Variants in C16orf74 observed in about 807,000 individuals in gnomAD.
The protein encoded by C16orf74 is uncharacterized protein C16orf74.
In C16orf74, 10 loss-of-function variants were observed where a neutral mutation model predicts 6.5. That is an observed-to-expected ratio of 1.54 (90% CI 0.95 to 2.61). The LOEUF is 2.61. Among genes scored for constraint, C16orf74 ranks in the 30% most tolerant of loss-of-function variants. The pLI is 0.00. For synonymous variants in C16orf74, 60 were observed against 42.5 expected, an observed-to-expected ratio of 1.41 and a Z score of -1.60; for missense variants, 141 against 105.9, an observed-to-expected ratio of 1.33 and a Z score of -1.45.
intron 1 of C16orf74, among the ~76,000 whole-genome samples, chr16:85,745,904 C>A (rs1028430521): frequency 6.6e-6 from 1 of 152,154 alleles, no homozygotes; most frequent in Admixed American, 6.5e-5. Context: ...AGAAGTTCAG[C>A]TCTAGGCTAT....
At chr16:85,732,523 G>A (rs1008499982) in intron 2 of C16orf74, among the ~76,000 whole-genome samples, 91 of 151,598 alleles carry the variant, frequency 6.0e-4, no homozygotes, top group African/African-American at 2.0e-3. Flanking sequence ...AAAATTAGCT[G>A]GGCGTGGTGG....
chr16:85,742,364 C>T (rs141090734), intron 1 of C16orf74, among the ~76,000 whole-genome samples: 1 of 152,168 alleles, frequency 6.6e-6, no homozygotes, highest in African/African-American at 2.4e-5. Context: ...CAGAGCGAGA[C>T]TCCGTCTCAG....
At chr16:85,730,087 C>A (rs959512529) in intron 2 of C16orf74, among the ~76,000 whole-genome samples, 2 of 152,144 alleles carry the variant, frequency 1.3e-5, no homozygotes, top group Admixed American at 1.3e-4. Flanking sequence ...AGTTACACAG[C>A]CTCAGAGCCC....
intron 2 of C16orf74, among the ~76,000 whole-genome samples, chr16:85,715,131 C>T (rs1004795350): frequency 7.5e-5 from 11 of 147,464 alleles, no homozygotes; most frequent in East Asian, 2.0e-4. Flanking sequence ...CACTCCAGCC[C>T]GGGTGACAGA....
intron 2 of C16orf74, among the ~76,000 whole-genome samples, chr16:85,726,755 C>T (rs2054137689): frequency 6.6e-6 from 1 of 152,198 alleles, no homozygotes; most frequent in Non-Finnish European, 1.5e-5. Flanking sequence ...CTCCTGTCCC[C>T]AGGGATGGAA....
At chr16:85,743,012 A>G (rs978094250) in intron 1 of C16orf74, among the ~76,000 whole-genome samples, 10 of 152,178 alleles carry the variant, frequency 6.6e-5, no homozygotes, top group African/African-American at 2.4e-4. Flanking sequence ...GATTGCCACT[A>G]GGTACCACCA....
chr16:85,724,874 C>T (rs758973755), intron 2 of C16orf74, among the ~76,000 whole-genome samples: 82 of 152,152 alleles, frequency 5.4e-4, no homozygotes, highest in Non-Finnish European at 7.6e-4. Context: ...CCTCACGGAT[C>T]CAGGAGTGTG....
At chr16:85,722,353 C>T (rs1219226931) in intron 2 of C16orf74, among the ~76,000 whole-genome samples, 1 of 152,164 alleles carries the variant, frequency 6.6e-6, no homozygotes, top group Non-Finnish European at 1.5e-5. Flanking sequence ...AGGTGGTGAA[C>T]GTTGCTACTT....
At chr16:85,723,835 G>A (rs946195960) in intron 2 of C16orf74, among the ~76,000 whole-genome samples, 2 of 152,198 alleles carry the variant, frequency 1.3e-5, no homozygotes, top group Admixed American at 1.3e-4. Flanking sequence ...CAAAAACAGG[G>A]CACAAGAGCA....
intron 2 of C16orf74, among the ~76,000 whole-genome samples, chr16:85,726,983 G>A (rs946200482): frequency 2.6e-5 from 4 of 152,184 alleles, no homozygotes; most frequent in African/African-American, 7.2e-5. Flanking sequence ...TAGCCACCCC[G>A]GGTAGGCAGG....
At chr16:85,716,646 A>G (rs193083531) in intron 2 of C16orf74, among the ~76,000 whole-genome samples, 6 of 142,748 alleles carry the variant, frequency 4.2e-5, no homozygotes, top group Admixed American at 2.1e-4. Context: ...GGGAGCAGAC[A>G]AGGCAGAGGG....
chr16:85,732,441 G>A (rs139979044), intron 2 of C16orf74, among the ~76,000 whole-genome samples: 27,979 of 151,914 alleles, frequency 0.18, 3,220 homozygotes, highest in Middle Eastern at 0.34. Flanking sequence ...TGAGGCAGGA[G>A]GATCACTTGA....
At position 85,735,250 on chromosome 16, in the gene C16orf74, C is replaced by CAGCG. The variant is rs1461593832; in HGVS notation, c.-18-19_-18-16dup. 9 of 1,558,448 alleles carry CAGCG rather than the reference C, an allele frequency of 5.8e-6. No individual in the cohort carries two copies. The highest frequency in any genetic ancestry group is 6.9e-6 in the Non-Finnish European group (8 of 1,152,192). ...CCTCTGCAGGCCTGTGGAGAGAGGA[C>CAGCG]AGCGCTGAGAGAGGGGAGGGCGCGA... On this transcript the variant is annotated splice_polypyrimidine_tract_variant and intron_variant, in intron 1 of 3. Coordinates refer to ENST00000284245, the MANE Select transcript of C16orf74 (RefSeq NM_206967.3).
rs570993631 is a variant in C16orf74 at position 85,719,188 on chromosome 16, C to G, written c.29-8881G>C. ...AGCCTGGGCCAGGGAGGTGGCCAGT[C>G]AACAGGCATTTATTGTGCACCTGCT... On this transcript the variant is annotated intron_variant, in intron 2 of 3. Coordinates refer to ENST00000284245, the MANE Select transcript of C16orf74 (RefSeq NM_206967.3). Among the ~76,000 whole-genome samples the G allele has an allele frequency of 3.3e-5, 5 of 152,370 alleles. No homozygotes were observed. In the South Asian group the frequency reaches 1.0e-3, roughly 32 times the overall value.
chr16:85,715,571 G>T (rs1036452232), intron 2 of C16orf74, among the ~76,000 whole-genome samples: 3 of 152,148 alleles, frequency 2.0e-5, no homozygotes, highest in Admixed American at 6.5e-5. Flanking sequence ...TGATCTCTGT[G>T]GGCCACACAA....
intron 1 of C16orf74, chr16:85,744,058 G>GA (rs36002654): frequency 0.69 from 99,520 of 143,588 alleles, 34,614 homozygotes; most frequent in East Asian, 0.88. Flanking sequence ...CATCTCAAAA[G>GA]AAAAAAAAAA....
At chr16:85,712,265 C>G (rs1396847792) in intron 2 of C16orf74, among the ~76,000 whole-genome samples, 3 of 152,210 alleles carry the variant, frequency 2.0e-5, no homozygotes, top group African/African-American at 4.8e-5. Context: ...GACCCTGAGC[C>G]AGAACCACCC....
chr16:85,732,665 C>CAAAAA (rs66539936), intron 2 of C16orf74, among the ~76,000 whole-genome samples: 926 of 43,778 alleles, frequency 0.021, 72 homozygotes, highest in Non-Finnish European at 0.027. Context: ...GACTCTGTCT[C>CAAAAA]AAAAAAAAAA....
At chr16:85,739,927 C>T (rs941277300) in intron 1 of C16orf74, among the ~76,000 whole-genome samples, 8 of 152,076 alleles carry the variant, frequency 5.3e-5, no homozygotes, top group Non-Finnish European at 8.8e-5. Flanking sequence ...GGTCCTTGCT[C>T]GGCCGGGCGC....
Sources: allele counts gnomAD v4.1 joint callset (sites outside exome capture counted in the v4.1 genomes callset), GRCh38; gene constraint gnomAD v4.1.1; transcripts MANE v1.5; gene names NCBI Gene and HGNC (gene_info 2026-07-23, HGNC 2026-07-21).